The following BACH2 variants were observed in gnomAD, a reference collection of about 807,000 sequenced individuals.
BACH2 encodes transcription regulator protein BACH2.
Under a neutral mutation model 61.8 loss-of-function variants are expected in BACH2, and 5 were observed. The ratio of observed to expected loss-of-function variants is 0.08; its 90% CI spans 0.04 to 0.17. The LOEUF (loss-of-function observed/expected upper bound fraction) is 0.17, where lower values mean the gene tolerates loss of function less well. Among genes scored for constraint, BACH2 ranks in the 10% least tolerant of loss-of-function variants. The pLI, the probability that BACH2 is intolerant of heterozygous loss-of-function variation, is 1.00. For synonymous variants in BACH2, 446 were observed against 440.1 expected, an observed-to-expected ratio of 1.01 and a Z score of -0.17; for missense variants, 824 against 1,091.1, an observed-to-expected ratio of 0.76 and a Z score of 3.45.
At chr6:90,209,946 G>T (rs184344854) in intron 3 of BACH2, among the ~76,000 whole-genome samples, 3 of 152,154 alleles carry the variant, frequency 2.0e-5, no homozygotes, top group East Asian at 3.9e-4. Flanking sequence ...TCTTAAGTGT[G>T]GGGTCTTAAA....
rs566942959 is a variant in BACH2 at position 89,928,006 on chromosome 6, A to T, written c.*4402T>A. The T allele has an allele frequency of 5.9e-5, 9 of 152,264 alleles. No individual in the cohort carries two copies. Among genetic ancestry groups the T allele is most frequent in the Non-Finnish European group, 1.2e-4 (8 of 68,028 alleles). The allele number at this position is 152,264 out of a possible 1,614,324, so 9.4% of individuals were successfully genotyped here. A position where few individuals can be genotyped will look rare whatever the true frequency, so the allele number is the denominator to read the frequency against. Reference sequence around the variant, plus strand: ...ACACAGATTTCCTGTATGAATACCAACTCCACACAGGGCATTGTATTGTGG... The same window carrying T: ...ACACAGATTTCCTGTATGAATACCATCTCCACACAGGGCATTGTATTGTGG... On this transcript the variant is annotated 3_prime_UTR_variant, in exon 9 of 9. Coordinates refer to ENST00000257749, the MANE Select transcript of BACH2 (RefSeq NM_021813.4).
chr6:90,215,282 G>C (rs1262250804), intron 3 of BACH2, among the ~76,000 whole-genome samples: 1 of 152,070 alleles, frequency 6.6e-6, no homozygotes, highest in African/African-American at 2.4e-5. Flanking sequence ...TGTAACCCTG[G>C]GTTTCCATCC....
At chr6:90,113,558 T>C (rs934715177) in intron 4 of BACH2, among the ~76,000 whole-genome samples, 1 of 152,038 alleles carries the variant, frequency 6.6e-6, no homozygotes, top group Admixed American at 6.6e-5. Flanking sequence ...AACAAAGATA[T>C]ACCAGAATCT....
At chr6:90,131,992 A>C (rs375336402) in intron 4 of BACH2, among the ~76,000 whole-genome samples, 2 of 152,190 alleles carry the variant, frequency 1.3e-5, no homozygotes, top group East Asian at 3.8e-4. Context: ...AGAGGCTGTT[A>C]CTTTTGCTGA....
chr6:90,263,195 A>G (rs944422716), intron 2 of BACH2, among the ~76,000 whole-genome samples: 5 of 152,194 alleles, frequency 3.3e-5, no homozygotes, highest in Non-Finnish European at 5.9e-5. Flanking sequence ...ACACTAGGTA[A>G]GCACAAGAGT....
chr6:90,174,755 C>T (rs941909223), intron 4 of BACH2, among the ~76,000 whole-genome samples: 1 of 151,890 alleles, frequency 6.6e-6, no homozygotes, highest in Non-Finnish European at 1.5e-5. Context: ...ACTAAAGTTA[C>T]ACAGGTCAAC....
chr6:90,112,979 A>C (rs920090278), intron 4 of BACH2, among the ~76,000 whole-genome samples: 3 of 152,236 alleles, frequency 2.0e-5, no homozygotes, highest in African/African-American at 7.2e-5. Flanking sequence ...AGCTGATTTC[A>C]AACCAACAAA....
intron 5 of BACH2, among the ~76,000 whole-genome samples, chr6:90,058,855 C>A (rs376181367): frequency 8.5e-5 from 13 of 152,228 alleles, no homozygotes; most frequent in Middle Eastern, 3.4e-3. Flanking sequence ...ACAAACCTGA[C>A]AAAAACAAGA....
chr6:90,271,987 C>T (rs1288962120), intron 1 of BACH2, 46 bp from the exon 2 acceptor site: 6 of 152,294 alleles, frequency 3.9e-5, no homozygotes, highest in Non-Finnish European at 7.3e-5. Flanking sequence ...TATAACAAAA[C>T]GTAGTATCAT....
At chr6:90,223,138 T>C (rs1417336730) in intron 3 of BACH2, among the ~76,000 whole-genome samples, 1 of 152,178 alleles carries the variant, frequency 6.6e-6, no homozygotes, top group Non-Finnish European at 1.5e-5. Context: ...GCAAATTGCC[T>C]TGCTGAGAAA....
At chr6:90,258,634 A>T (rs1028197203) in intron 2 of BACH2, among the ~76,000 whole-genome samples, 1 of 152,162 alleles carries the variant, frequency 6.6e-6, no homozygotes, top group Non-Finnish European at 1.5e-5. Context: ...GATTGCACCG[A>T]ATCTGTATAT....
chr6:90,146,354 T>G (rs1334877421), intron 4 of BACH2, among the ~76,000 whole-genome samples: 1 of 152,216 alleles, frequency 6.6e-6, no homozygotes, highest in Non-Finnish European at 1.5e-5. Context: ...TTTAGCACTC[T>G]CTCTCTTGCG....
At chr6:90,220,174 T>G (rs184070248) in intron 3 of BACH2, among the ~76,000 whole-genome samples, 50 of 152,360 alleles carry the variant, frequency 3.3e-4, no homozygotes. Context: ...ACCCCAGAGT[T>G]TCTCCGCTAC....
intron 5 of BACH2, among the ~76,000 whole-genome samples, chr6:90,015,095 T>A (rs1035454464): frequency 6.6e-6 from 1 of 152,164 alleles, no homozygotes; most frequent in Non-Finnish European, 1.5e-5. Context: ...ATATAGTTTT[T>A]AAAAATATTC....
At chr6:90,081,847 T>G (rs1781739006) in intron 5 of BACH2, among the ~76,000 whole-genome samples, 1 of 152,152 alleles carries the variant, frequency 6.6e-6, no homozygotes, top group Admixed American at 6.6e-5. Context: ...TTGGTTTTCT[T>G]TCAGTGCTCA....
At chr6:90,153,342 T>C (rs1784891897) in intron 4 of BACH2, among the ~76,000 whole-genome samples, 1 of 152,122 alleles carries the variant, frequency 6.6e-6, no homozygotes, top group Admixed American at 6.5e-5. Flanking sequence ...TCCAGATTCT[T>C]TTCCTAAATA....
Position 90,203,391 on chromosome 6 carries a change from C to CAA in BACH2, c.-162+3176_-162+3177dup, listed in dbSNP as rs34539345. On this transcript the variant is annotated intron_variant, in intron 4 of 8. Coordinates refer to ENST00000257749, the MANE Select transcript of BACH2 (RefSeq NM_021813.4). ...GAGCAAGACCCTCTCTCTCTCTCTC[C>CAA]AAAAAAAAAAAAAAAAAAAAAAAAA... is the stretch of plus-strand genomic sequence containing the variant. Among the ~76,000 whole-genome samples the CAA allele has an allele frequency of 3.5e-3, 210 of 59,572 alleles. 1 individual carries two copies. Among genetic ancestry groups the CAA allele is most frequent in the East Asian group, 4.2e-3 (8 of 1,900 alleles). 39.1% of individuals were successfully genotyped at this position (59,572 alleles called of 152,430 possible). A position where few individuals can be genotyped will look rare whatever the true frequency, so the allele number is the denominator to read the frequency against.
At chr6:90,034,377 ACT>A (rs1283602627) in intron 5 of BACH2, among the ~76,000 whole-genome samples, 1 of 152,054 alleles carries the variant, frequency 6.6e-6, no homozygotes, top group Non-Finnish European at 1.5e-5. Context: ...ACTGGACTAG[ACT>A]CTGTAGTCTT....
intron 5 of BACH2, among the ~76,000 whole-genome samples, chr6:90,019,393 G>A (rs1173647708): frequency 6.6e-6 from 1 of 152,170 alleles, no homozygotes; most frequent in African/African-American, 2.4e-5. Context: ...AAACAGGAGT[G>A]GACCAGGCAT....
Sources: allele counts gnomAD v4.1 joint callset (sites outside exome capture counted in the v4.1 genomes callset), GRCh38; gene constraint gnomAD v4.1.1; transcripts MANE v1.5; gene names NCBI Gene and HGNC (gene_info 2026-07-23, HGNC 2026-07-21).